Variants in KIAA1671 observed in about 807,000 individuals in gnomAD.
KIAA1671 encodes uncharacterized protein KIAA1671.
KIAA1671 carries 52 observed loss-of-function variants against 131.2 expected under a neutral mutation model. The ratio of observed to expected loss-of-function variants is 0.40; its 90% CI spans 0.32 to 0.50. The LOEUF is 0.50. Among genes scored for constraint, KIAA1671 ranks in the 20% least tolerant of loss-of-function variants. The pLI is 0.73. For missense variants in KIAA1671, 2,360 were observed against 2,364.2 expected, an observed-to-expected ratio of 1.00 and a Z score of 0.04; for synonymous variants, 1,003 against 961.6, an observed-to-expected ratio of 1.04 and a Z score of -0.80.
At chr22:24,957,490 C>T (rs1921773574) in intron 1 of KIAA1671, among the ~76,000 whole-genome samples, 1 of 152,104 alleles carries the variant, frequency 6.6e-6, no homozygotes, top group African/African-American at 2.4e-5. Flanking sequence ...TCCAGGAGTT[C>T]ACTCTCCTTC....
chr22:25,055,155 T>G (rs1322847942), intron 6 of KIAA1671: 2 of 149,848 alleles, frequency 1.3e-5, no homozygotes, highest in East Asian at 3.9e-4. Context: ...TGAGAGCATT[T>G]GGACCTGATG....
chr22:24,961,233 G>A (rs1388892246), intron 1 of KIAA1671, among the ~76,000 whole-genome samples: 1 of 152,106 alleles, frequency 6.6e-6, no homozygotes, highest in Non-Finnish European at 1.5e-5. Flanking sequence ...CTCCTCAAGC[G>A]ATCCTGCTGC....
At chr22:25,126,509 C>G (rs1247325774) in intron 6 of KIAA1671, among the ~76,000 whole-genome samples, 1 of 152,176 alleles carries the variant, frequency 6.6e-6, no homozygotes, top group East Asian at 1.9e-4. Context: ...TTTCATTATC[C>G]ATAAATGTTT....
chr22:24,977,491 GA>G (rs1487180606), intron 1 of KIAA1671, among the ~76,000 whole-genome samples: 1 of 152,220 alleles, frequency 6.6e-6, no homozygotes, highest in African/African-American at 2.4e-5. Flanking sequence ...TGGCCTCATA[GA>G]GCCTGTGAGT....
chr22:25,069,797 C>T (rs1928709286), intron 6 of KIAA1671, among the ~76,000 whole-genome samples: 1 of 152,166 alleles, frequency 6.6e-6, no homozygotes, highest in African/African-American at 2.4e-5. Context: ...GCCTCCTTCT[C>T]CTCATGTGGT....
chr22:24,965,357 G>A (rs927200271), intron 1 of KIAA1671, among the ~76,000 whole-genome samples: 1 of 151,632 alleles, frequency 6.6e-6, no homozygotes, highest in Non-Finnish European at 1.5e-5. Context: ...TGAGGTTGCA[G>A]TGAACTGAGA....
Position 25,174,418 on chromosome 22 carries a change from G to A in KIAA1671, c.4828G>A (p.Asp1610Asn), listed in dbSNP as rs1011472697. Reference protein sequence around the residue: ...DHSSTDLESTDGMEGPPPPDA... With the variant: ...DHSSTDLESTNGMEGPPPPDA... ...CTCCAGCACTGACCTGGAATCCACC[G>A]ATGGGATGGAGGGGCCGCCTCCACC... Residue 1610 changes from aspartate (D) to asparagine (N), a missense_variant, in exon 8 of 13, where the codon GAT becomes AAT. Around this residue, in one of 3 missense-constraint regions of KIAA1671, gnomAD observed 1,161 missense variants for 1,204.7 expected, o/e 0.96. Transcript: ENST00000358431. 21 of 1,550,376 alleles carry A rather than the reference G, an allele frequency of 1.4e-5. No homozygotes were observed. The highest frequency in any genetic ancestry group is 3.3e-4 in the Middle Eastern group (2 of 6,012).
chr22:25,036,239 C>G (rs959278052), intron 4 of KIAA1671, among the ~76,000 whole-genome samples: 1 of 151,988 alleles, frequency 6.6e-6, no homozygotes, highest in African/African-American at 2.4e-5. Context: ...CGCCACCACA[C>G]CTGGCTAATT....
At chr22:25,186,321 G>C (rs1934473197) in intron 11 of KIAA1671, 1 of 152,338 alleles carries the variant, frequency 6.6e-6, no homozygotes, top group Non-Finnish European at 1.5e-5. Context: ...CCAGGACTTT[G>C]GAAGGCAGAG....
chr22:25,011,473 G>A (rs1447656669), intron 1 of KIAA1671: 3 of 151,542 alleles, frequency 2.0e-5, no homozygotes, highest in Non-Finnish European at 4.4e-5. Flanking sequence ...TTTTAGCAGA[G>A]ATGGGGTTTC....
At position 25,039,952 on chromosome 22, in the gene KIAA1671, A is replaced by T; in HGVS notation, c.2822A>T (p.Asp941Val). 6.4e-7 allele frequency: 1 copy of T among 1,551,420 alleles called. No homozygotes were observed. Among genetic ancestry groups the T allele is most frequent in the South Asian group, 1.2e-5 (1 of 84,024 alleles). Residue 941 changes from aspartate to valine, a missense_variant, in exon 5 of 13, where the codon GAC (aspartate) becomes GTC (valine). Asp to Val is a radical substitution (Grantham distance 152). Coordinates refer to ENST00000358431, the MANE Select transcript of KIAA1671 (RefSeq NM_001145206.2). ...AVRMRKAGAMDQRMDRWRRRT... is the reference protein window; with the variant it reads ...AVRMRKAGAMVQRMDRWRRRT... Reference sequence around the variant, plus strand: ...AGAATGCGGAAAGCCGGCGCCATGGACCAGAGAATGGACAGATGGCGGCGG... The same window carrying T: ...AGAATGCGGAAAGCCGGCGCCATGGTCCAGAGAATGGACAGATGGCGGCGG...
At chr22:25,100,461 A>C (rs1429943557) in intron 6 of KIAA1671, among the ~76,000 whole-genome samples, 1 of 152,110 alleles carries the variant, frequency 6.6e-6, no homozygotes, top group Non-Finnish European at 1.5e-5. Context: ...GTACCCCATA[A>C]TCCAGCTGAC....
Position 25,029,182 on chromosome 22 carries a change from G to A in KIAA1671, c.1183G>A (p.Glu395Lys). ...GGAAGAAAAGGCCAAGCTGGACCCA[G>A]AGCCAGAGAAGGCTGCTGAGTCCCC... ...PWEEKAKLDP[E>K]PEKAAESPSP... Residue 395 changes from glutamate (E) to lysine (K), a missense_variant, in exon 3 of 13, where the codon GAG becomes AAG. Coordinates refer to ENST00000358431, the MANE Select transcript of KIAA1671 (RefSeq NM_001145206.2). The A allele has an allele frequency of 4.1e-6, 6 of 1,456,706 alleles. No homozygotes were observed. In the South Asian group the frequency reaches 8.8e-5, roughly 21 times the overall value. The allele number at this position is 1,456,706 out of a possible 1,614,324, so 90.2% of individuals were successfully genotyped here.
In KIAA1671 at chr22:25,040,750, A is replaced by G; in HGVS notation, c.3620A>G (p.Glu1207Gly). The G allele has an allele frequency of 6.4e-7, 1 of 1,551,876 alleles. No individual in the cohort carries two copies. Among genetic ancestry groups the G allele is most frequent in the Non-Finnish European group, 8.7e-7 (1 of 1,147,050 alleles). ...SVLDIDALMA[E>G]YQELSLKVPG... ...CTTGACATTGACGCCCTGATGGCAG[A>G]GTACCAGGAGCTGTCGCTGAAAGTC... Residue 1207 changes from glutamate to glycine, a missense_variant, in exon 5 of 13, where the codon GAG becomes GGG. Physicochemically the swap from Glu to Gly is moderately conservative, Grantham distance 98 (BLOSUM62 -2). Transcript: ENST00000358431.
chr22:25,078,218 A>G (rs1257332089), intron 6 of KIAA1671, among the ~76,000 whole-genome samples: 2 of 152,072 alleles, frequency 1.3e-5, no homozygotes, highest in African/African-American at 4.8e-5. Context: ...CCTGGCACAT[A>G]ATAGGTGCTT....
At chr22:25,177,701 T>G (rs1035395698) in intron 9 of KIAA1671, among the ~76,000 whole-genome samples, 179 bp downstream of exon 9, 1 of 152,038 alleles carries the variant, frequency 6.6e-6, no homozygotes, top group Non-Finnish European at 1.5e-5. Context: ...ATTGTTCATT[T>G]AATTTTTAAG....
In KIAA1671 at chr22:25,041,419, A is replaced by G. The variant is rs1489408487; in HGVS notation, c.4289A>G (p.Glu1430Gly). ...EGLSIMHEAR[E>G]RRREQPKGRP... Reference sequence around the variant, plus strand: ...CTGTCCATCATGCATGAAGCCAGAGAGAGGAGGCGAGAGCAGCCCAAAGGG... The same window carrying G: ...CTGTCCATCATGCATGAAGCCAGAGGGAGGAGGCGAGAGCAGCCCAAAGGG... Residue 1430 changes from glutamate (E) to glycine (G), a missense_variant, in exon 5 of 13, where the codon GAG (glutamate) becomes GGG (glycine). By Grantham distance (98) the Glu-to-Gly change is moderately conservative (BLOSUM62 -2). Around this residue, in one of 3 missense-constraint regions of KIAA1671, gnomAD observed 1,161 missense variants for 1,204.7 expected, o/e 0.96. Coordinates refer to ENST00000358431, the MANE Select transcript of KIAA1671 (RefSeq NM_001145206.2). The G allele has an allele frequency of 1.9e-6, 3 of 1,551,668 alleles. No individual in the cohort carries two copies. In the African/African-American group the frequency reaches 4.1e-5, roughly 21 times the overall value.
At chr22:25,093,748 C>CTGTCTCTCTCTCTT (rs1930184319) in intron 6 of KIAA1671, among the ~76,000 whole-genome samples, 2 of 111,418 alleles carry the variant, frequency 1.8e-5, no homozygotes, top group African/African-American at 7.5e-5. Flanking sequence ...CTCTCTCTCT[C>CTGTCTCTCTCTCTT]TCTCTCTCTC....
chr22:25,118,491 T>A (rs1310998202), intron 6 of KIAA1671, among the ~76,000 whole-genome samples: 1 of 152,094 alleles, frequency 6.6e-6, no homozygotes, highest in African/African-American at 2.4e-5. Flanking sequence ...GAGTTTTACC[T>A]TGTTGCCCAA....
Sources: allele counts gnomAD v4.1 joint callset (sites outside exome capture counted in the v4.1 genomes callset), GRCh38; gene constraint gnomAD v4.1.1; regional missense constraint gnomAD v4.1.1; transcripts MANE v1.5; gene names NCBI Gene and HGNC (gene_info 2026-07-23, HGNC 2026-07-21).